LHFPL6: variants seen among roughly 807,000 people sequenced by gnomAD.
LHFPL6 encodes the protein LHFPL tetraspan subfamily member 6.
LHFPL6 carries 9 observed loss-of-function variants against 20.6 expected under a neutral mutation model. The observed-to-expected ratio is 0.44, with a 90% confidence interval of 0.26 to 0.76. The LOEUF is 0.76. Ranked by LOEUF, LHFPL6 falls within the 30% of genes least tolerant of loss-of-function variation. LHFPL6 has a pLI of 0.20. For synonymous variants in LHFPL6, 105 were observed against 98.7 expected (o/e 1.06, Z -0.38); for missense variants, 218 against 253.5 (o/e 0.86, Z 0.95).
At chr13:39,566,045 A>C (rs2138525840) in intron 2 of LHFPL6, among the ~76,000 whole-genome samples, 1 of 152,338 alleles carries the variant, frequency 6.6e-6, no homozygotes, top group East Asian at 1.9e-4. Flanking sequence ...ACTCAAACAA[A>C]TGAAGAAAGG....
chr13:39,589,172 C>G (rs1462517944), intron 2 of LHFPL6, among the ~76,000 whole-genome samples: 2 of 152,048 alleles, frequency 1.3e-5, no homozygotes, highest in East Asian at 3.9e-4. Context: ...AGTGGCGCCA[C>G]CTCGGTTCAC....
intron 2 of LHFPL6, among the ~76,000 whole-genome samples, chr13:39,522,076 C>T (rs1328569689): frequency 6.6e-6 from 1 of 152,138 alleles, no homozygotes; most frequent in Non-Finnish European, 1.5e-5. Context: ...CTACCCCTGC[C>T]ATGACTGCTT....
chr13:39,563,223 A>C (rs1310724893), intron 2 of LHFPL6, among the ~76,000 whole-genome samples: 1 of 152,098 alleles, frequency 6.6e-6, no homozygotes, highest in Admixed American at 6.5e-5. Context: ...AAAAATAAAA[A>C]TCAGGATTAA....
intron 2 of LHFPL6, among the ~76,000 whole-genome samples, chr13:39,542,953 C>A (rs371534083): frequency 2.4e-4 from 36 of 152,264 alleles, no homozygotes; most frequent in African/African-American, 8.7e-4. Context: ...CACCACTATC[C>A]ATTTCCAGAA....
At chr13:39,486,593 T>C (rs1223228378) in intron 2 of LHFPL6, among the ~76,000 whole-genome samples, 1 of 152,164 alleles carries the variant, frequency 6.6e-6, no homozygotes, top group Admixed American at 6.5e-5. Context: ...TTACCGCCAA[T>C]ATGATGACGA....
At chr13:39,435,985 T>C (rs920721193) in intron 2 of LHFPL6, among the ~76,000 whole-genome samples, 6 of 151,836 alleles carry the variant, frequency 4.0e-5, no homozygotes, top group African/African-American at 1.4e-4. Context: ...AAAATATATT[T>C]ATTTATATTA....
At chr13:39,377,507 CTCA>C (rs1870320217) in intron 3 of LHFPL6, among the ~76,000 whole-genome samples, 1 of 152,110 alleles carries the variant, frequency 6.6e-6, no homozygotes, top group Non-Finnish European at 1.5e-5. Context: ...CATTAAACTA[CTCA>C]TCATAACATG....
intron 2 of LHFPL6, among the ~76,000 whole-genome samples, chr13:39,449,972 A>C (rs1173556173): frequency 6.6e-6 from 1 of 152,198 alleles, no homozygotes; most frequent in Non-Finnish European, 1.5e-5. Flanking sequence ...AATCTCATAT[A>C]TTTGGAACAC....
chr13:39,401,202 G>A (rs1870981676), intron 2 of LHFPL6, among the ~76,000 whole-genome samples: 1 of 152,128 alleles, frequency 6.6e-6, no homozygotes, highest in South Asian at 2.1e-4. Context: ...ATTTTACAAT[G>A]TCTTTTTTAA....
At chr13:39,351,388 A>G (rs190716083) in intron 3 of LHFPL6, among the ~76,000 whole-genome samples, 33 of 152,344 alleles carry the variant, frequency 2.2e-4, no homozygotes, top group Admixed American at 8.5e-4. Flanking sequence ...TCAAATAAAT[A>G]GCAAAGCTTG....
chr13:39,405,087 T>C (rs1871086677), intron 2 of LHFPL6, among the ~76,000 whole-genome samples: 1 of 152,186 alleles, frequency 6.6e-6, no homozygotes, highest in African/African-American at 2.4e-5. Context: ...ATGCAGAATA[T>C]ACAAAAACAA....
intron 2 of LHFPL6, among the ~76,000 whole-genome samples, chr13:39,578,533 T>G (rs1872186863): frequency 6.6e-6 from 1 of 152,038 alleles, no homozygotes; most frequent in African/African-American, 2.4e-5. Flanking sequence ...ACACAAGAAG[T>G]GACTTAGCCA....
At chr13:39,406,241 T>G (rs1871110480) in intron 2 of LHFPL6, among the ~76,000 whole-genome samples, 1 of 152,198 alleles carries the variant, frequency 6.6e-6, no homozygotes, top group African/African-American at 2.4e-5. Flanking sequence ...AAGAATTGTG[T>G]CAGGATAGTA....
At chr13:39,447,310 ATCT>A (rs1471558390) in intron 2 of LHFPL6, among the ~76,000 whole-genome samples, 1 of 152,192 alleles carries the variant, frequency 6.6e-6, no homozygotes, top group African/African-American at 2.4e-5. Flanking sequence ...AATTTTCATA[ATCT>A]TTTTTTAAGC....
At chr13:39,468,478 C>T (rs572344564) in intron 2 of LHFPL6, among the ~76,000 whole-genome samples, 1 of 147,520 alleles carries the variant, frequency 6.8e-6, no homozygotes, top group South Asian at 2.3e-4. Flanking sequence ...TGAGCAGTTC[C>T]TGAAAAAAAA....
chr13:39,347,650 G>A (rs1286438580), intron 3 of LHFPL6, among the ~76,000 whole-genome samples: 3 of 152,158 alleles, frequency 2.0e-5, no homozygotes, highest in Non-Finnish European at 4.4e-5. Flanking sequence ...TGGTAACCGA[G>A]TCCCCCTTCA....
At chr13:39,461,895 T>G (rs1872697372) in intron 2 of LHFPL6, among the ~76,000 whole-genome samples, 1 of 152,210 alleles carries the variant, frequency 6.6e-6, no homozygotes, top group South Asian at 2.1e-4. Context: ...TATCACTATT[T>G]TTTTAAATTC....
At chr13:39,437,638 T>C (rs1403235299) in intron 2 of LHFPL6, among the ~76,000 whole-genome samples, 1 of 152,188 alleles carries the variant, frequency 6.6e-6, no homozygotes, top group Non-Finnish European at 1.5e-5. Flanking sequence ...GCGCGGTGGC[T>C]CACGCCTGTA....
At chr13:39,409,323 G>C (rs192970720) in intron 2 of LHFPL6, among the ~76,000 whole-genome samples, 1 of 152,112 alleles carries the variant, frequency 6.6e-6, no homozygotes, top group African/African-American at 2.4e-5. Context: ...GCGTGGTGAT[G>C]CATGCCTGTA....
Sources: allele counts gnomAD v4.1 joint callset (sites outside exome capture counted in the v4.1 genomes callset), GRCh38; gene constraint gnomAD v4.1.1; transcripts MANE v1.5; gene names NCBI Gene and HGNC (gene_info 2026-07-23, HGNC 2026-07-21).